The following CNRIP1 variants were observed in gnomAD, a reference collection of about 807,000 sequenced individuals.
CNRIP1 encodes the protein CB1 cannabinoid receptor-interacting protein 1.
In CNRIP1, 10 loss-of-function variants were observed where a neutral mutation model predicts 15.2. That is an observed-to-expected ratio of 0.66 (90% CI 0.41 to 1.12). CNRIP1 has a LOEUF of 1.12. CNRIP1 is among the 50% of genes most tolerant of loss of function. CNRIP1 has a pLI of 0.00. For missense variants in CNRIP1, 211 were observed against 214.7 expected, an observed-to-expected ratio of 0.98 and a Z score of 0.11; for synonymous variants, 91 against 83.2, an observed-to-expected ratio of 1.09 and a Z score of -0.51.
rs1384546157 is a variant in CNRIP1, at chr2:68,319,883, A to T, written c.-483T>A. Reference sequence around the variant, plus strand: ...GGGAAGGCGCTGGAGTTAAGCGACCACTATGCCAAGGAGCGAGACCCCCGG... The same window carrying T: ...GGGAAGGCGCTGGAGTTAAGCGACCTCTATGCCAAGGAGCGAGACCCCCGG... On this transcript the variant is annotated 5_prime_UTR_variant, in exon 1 of 3. Coordinates refer to ENST00000263655, the MANE Select transcript of CNRIP1 (RefSeq NM_015463.3). 1 of 152,944 alleles carries T rather than the reference A, an allele frequency of 6.5e-6. No homozygotes were observed. The highest frequency in any genetic ancestry group is 1.5e-5 in the Non-Finnish European group (1 of 68,590). 9.5% of individuals were successfully genotyped at this position (152,944 alleles called of 1,614,324 possible).
chr2:68,305,605 C>G (rs1363264946), intron 2 of CNRIP1, among the ~76,000 whole-genome samples: 2 of 150,378 alleles, frequency 1.3e-5, no homozygotes, highest in Non-Finnish European at 3.0e-5. Flanking sequence ...ACCATCCTGG[C>G]TAACACGGTG....
At chr2:68,310,125 C>CG (rs1197627442) in intron 2 of CNRIP1, among the ~76,000 whole-genome samples, 1 of 152,016 alleles carries the variant, frequency 6.6e-6, no homozygotes, top group African/African-American at 2.4e-5. Context: ...GTCAGGAGTT[C>CG]GAGACCAGCG....
At chr2:68,290,470 T>C (rs1671139421), downstream of CNRIP1, among the ~76,000 whole-genome samples, 1 of 152,232 alleles carries the variant, frequency 6.6e-6, no homozygotes, top group African/African-American at 2.4e-5. Flanking sequence ...TACAGGATTA[T>C]TTATGTACCT....
In CNRIP1 at chr2:68,293,674, C is replaced by G; in HGVS notation, c.*188G>C. 7.4e-7 allele frequency: 1 copy of G among 1,353,044 alleles called. No individual in the cohort carries two copies. The highest frequency in any genetic ancestry group is 1.9e-5 in the South Asian group (1 of 53,628). The allele number at this position is 1,353,044 out of a possible 1,614,324, so 83.8% of individuals were successfully genotyped here. A position where few individuals can be genotyped will look rare whatever the true frequency, so the allele number is the denominator to read the frequency against. ...GGGAATATTCTCGGGAGTGGTACAT[C>G]ACCATCTTGTATGTGAGGGATATTG... On this transcript the variant is annotated 3_prime_UTR_variant, in exon 3 of 3. Coordinates refer to ENST00000263655, the MANE Select transcript of CNRIP1 (RefSeq NM_015463.3).
exon 3 of CNRIP1, chr2:68,284,409 C>T: frequency 1.4e-6 from 2 of 1,466,854 alleles, no homozygotes; most frequent in East Asian, 2.6e-5. Flanking sequence ...CTCATGATGG[C>T]ACACATTGAA....
intron 2 of CNRIP1, among the ~76,000 whole-genome samples, chr2:68,299,048 G>A (rs1299936503): frequency 1.3e-5 from 2 of 152,040 alleles, no homozygotes; most frequent in African/African-American, 2.4e-5. Context: ...TCTTGTGCCT[G>A]GTTTTATTAT....
downstream of CNRIP1, among the ~76,000 whole-genome samples, chr2:68,288,120 G>C (rs564066286): frequency 7.9e-5 from 12 of 151,666 alleles, no homozygotes; most frequent in Non-Finnish European, 1.5e-4. Context: ...TCACCTTTTT[G>C]TTGAGTCAGC....
chr2:68,295,792 TC>T (rs1558661939), intron 2 of CNRIP1, among the ~76,000 whole-genome samples: 1 of 152,074 alleles, frequency 6.6e-6, no homozygotes, highest in Non-Finnish European at 1.5e-5. Context: ...ATGGAAGCAT[TC>T]TGTATCTTGA....
chr2:68,290,991 A>T (rs1671154977), downstream of CNRIP1, among the ~76,000 whole-genome samples: 2 of 152,200 alleles, frequency 1.3e-5, no homozygotes, highest in Admixed American at 6.5e-5. Context: ...AACTTGTATA[A>T]AAATAGCCCT....
chr2:68,288,714 A>G (rs1671091758), downstream of CNRIP1, among the ~76,000 whole-genome samples: 1 of 152,256 alleles, frequency 6.6e-6, no homozygotes, highest in African/African-American at 2.4e-5. Flanking sequence ...ATTGTTGGCA[A>G]CAATTAATAT....
intron 2 of CNRIP1, among the ~76,000 whole-genome samples, chr2:68,303,109 G>A (rs972782929): frequency 1.3e-5 from 2 of 152,064 alleles, no homozygotes; most frequent in African/African-American, 4.8e-5. Context: ...GGCCCCCAAA[G>A]TGCTGGGATT....
At chr2:68,318,222 T>G (rs1199569899) in intron 1 of CNRIP1, among the ~76,000 whole-genome samples, 2 of 152,098 alleles carry the variant, frequency 1.3e-5, no homozygotes, top group Admixed American at 6.5e-5. Context: ...TCCTTGCACC[T>G]TGGAAGGCTA....
At chr2:68,312,864 G>A (rs2103683864) in intron 2 of CNRIP1, among the ~76,000 whole-genome samples, 1 of 152,172 alleles carries the variant, frequency 6.6e-6, no homozygotes, top group Non-Finnish European at 1.5e-5. Flanking sequence ...TATGTATAAA[G>A]TCTGTAGAGG....
chr2:68,308,610 A>G (rs1671955479), intron 2 of CNRIP1, among the ~76,000 whole-genome samples: 1 of 152,184 alleles, frequency 6.6e-6, no homozygotes, highest in Non-Finnish European at 1.5e-5. Context: ...TTTTACAAAG[A>G]ATTTAAGAAG....
At chr2:68,310,093 C>T (rs541463094) in intron 2 of CNRIP1, among the ~76,000 whole-genome samples, 7 of 152,168 alleles carry the variant, frequency 4.6e-5, no homozygotes, top group Admixed American at 1.3e-4. Flanking sequence ...TTTGGGAGGC[C>T]GAGGCAGGTG....
At chr2:68,286,744 A>G (rs570534273) in intron 2 of CNRIP1, among the ~76,000 whole-genome samples, 66 of 152,312 alleles carry the variant, frequency 4.3e-4, no homozygotes, top group African/African-American at 1.5e-3. Context: ...CCAAGGGTCT[A>G]TAAACTTCTA....
In CNRIP1 at chr2:68,293,736, C is replaced by A; in HGVS notation, c.*126G>T. The A allele has an allele frequency of 6.7e-7, 1 of 1,482,444 alleles. No homozygotes were observed. Among genetic ancestry groups the A allele is most frequent in the South Asian group, 1.4e-5 (1 of 70,682 alleles). 91.8% of individuals were successfully genotyped at this position (1,482,444 alleles called of 1,614,324 possible). Reference sequence around the variant, plus strand: ...AATTACACTTTCAAAATAACCAGGGCTAGTAGGTCATTAGTACCAGATGGG... The same window carrying A: ...AATTACACTTTCAAAATAACCAGGGATAGTAGGTCATTAGTACCAGATGGG... On this transcript the variant is annotated 3_prime_UTR_variant, in exon 3 of 3. Coordinates refer to ENST00000263655, the MANE Select transcript of CNRIP1 (RefSeq NM_015463.3).
chr2:68,317,304 A>G lies in CNRIP1; in HGVS notation c.183T>C (p.Asn61=). The change falls in exon 2 of 3, where the codon AAT becomes AAC. Residue 61 remains asparagine (N), a synonymous_variant. Coordinates refer to ENST00000263655, the MANE Select transcript of CNRIP1 (RefSeq NM_015463.3). ...KIKPSTLQVE[N]ISIGGVLVPL... is the part of the protein sequence containing the mutation. ...GGACAAGCACACCACCAATGGAAAT[A>G]TTCCTGCAATAGACTTGAGTTGACC... 3 of 1,613,830 alleles carry G rather than the reference A, an allele frequency of 1.9e-6. No individual in the cohort carries two copies. Among genetic ancestry groups the G allele is most frequent in the Non-Finnish European group, 2.5e-6 (3 of 1,180,028 alleles).
chr2:68,310,813 A>C (rs1221561695), intron 2 of CNRIP1, among the ~76,000 whole-genome samples: 2 of 152,154 alleles, frequency 1.3e-5, no homozygotes, highest in Non-Finnish European at 2.9e-5. Flanking sequence ...TGCTCAGATA[A>C]ATTAAGGAAA....
Sources: gnomAD v4.1 joint callset for allele counts (sites outside exome capture counted in the v4.1 genomes callset) on GRCh38, gnomAD v4.1.1 for gene constraint, MANE v1.5 for transcripts, NCBI Gene and HGNC (gene_info 2026-07-23, HGNC 2026-07-21) for gene names.